SYNPR: variants seen among roughly 807,000 people sequenced by gnomAD.
SYNPR encodes the protein synaptoporin.
In SYNPR, 23 loss-of-function variants were observed where a neutral mutation model predicts 32.9. That is an observed-to-expected ratio of 0.70 (90% CI 0.50 to 0.99). The LOEUF is 0.99. Among genes scored for constraint, SYNPR ranks in the 50% least tolerant of loss-of-function variants. SYNPR has a pLI of 0.00. For missense variants in SYNPR, 318 were observed against 349.3 expected (o/e 0.91, Z 0.71); for synonymous variants, 146 against 135.9 (o/e 1.07, Z -0.52).
At chr3:63,577,403 C>T (rs142677066) in intron 4 of SYNPR, among the ~76,000 whole-genome samples, 2 of 151,980 alleles carry the variant, frequency 1.3e-5, no homozygotes, top group African/African-American at 4.8e-5. Flanking sequence ...GAGAGGAAAG[C>T]CAATAGCTAT....
chr3:63,421,260 A>C (rs2107131376), intron 2 of SYNPR, among the ~76,000 whole-genome samples: 1 of 152,330 alleles, frequency 6.6e-6, no homozygotes, highest in East Asian at 1.9e-4. Context: ...ACTAGTAATC[A>C]GGAAACGTCA....
chr3:63,269,203 A>C (rs544841355), intron 3 of SYNPR, among the ~76,000 whole-genome samples: 2 of 152,204 alleles, frequency 1.3e-5, no homozygotes, highest in Non-Finnish European at 2.9e-5. Flanking sequence ...AGAAATGAAG[A>C]CCAGGCCAAG....
intron 2 of SYNPR, among the ~76,000 whole-genome samples, chr3:63,477,796 C>A (rs1022172392): frequency 6.6e-6 from 1 of 152,244 alleles, no homozygotes; most frequent in African/African-American, 2.4e-5. Flanking sequence ...TCTCTGGGTG[C>A]CTGCACCTGC....
chr3:63,446,902 A>T (rs1700288112), intron 2 of SYNPR, among the ~76,000 whole-genome samples: 2 of 152,222 alleles, frequency 1.3e-5, no homozygotes, highest in Admixed American at 6.5e-5. Flanking sequence ...TTAGGCACCC[A>T]GTTAGTTAAA....
chr3:63,326,319 A>G (rs1479088116), intron 2 of SYNPR, among the ~76,000 whole-genome samples: 2 of 107,506 alleles, frequency 1.9e-5, no homozygotes, highest in African/African-American at 6.3e-5. Flanking sequence ...CCCAACAGAC[A>G]GCAGAGGCTG....
chr3:63,435,117 C>T (rs924874995), intron 2 of SYNPR, among the ~76,000 whole-genome samples: 2 of 152,202 alleles, frequency 1.3e-5, no homozygotes, highest in South Asian at 4.1e-4. Flanking sequence ...CTTGTATATG[C>T]TAAACTTGCG....
chr3:63,259,376 T>C (rs2086417556), intron 2 of SYNPR, among the ~76,000 whole-genome samples: 1 of 152,178 alleles, frequency 6.6e-6, no homozygotes, highest in South Asian at 2.1e-4. Flanking sequence ...TTATCCACCA[T>C]GATCAAGTGG....
chr3:63,606,849 G>T (rs1411548371), intron 4 of SYNPR, among the ~76,000 whole-genome samples: 1 of 152,094 alleles, frequency 6.6e-6, no homozygotes, highest in Non-Finnish European at 1.5e-5. Flanking sequence ...TTAACCTTTG[G>T]TGTCTCCATT....
upstream of SYNPR, among the ~76,000 whole-genome samples, chr3:63,223,469 G>C (rs899864009): frequency 2.0e-5 from 3 of 151,848 alleles, no homozygotes; most frequent in Non-Finnish European, 2.9e-5. Context: ...GGTGGGAGAC[G>C]GGCTTGGTAC....
At chr3:63,444,749 T>A (rs898983292) in intron 2 of SYNPR, among the ~76,000 whole-genome samples, 2 of 152,120 alleles carry the variant, frequency 1.3e-5, no homozygotes, top group African/African-American at 4.8e-5. Context: ...ACACACGCTG[T>A]GCACACTCCA....
intron 3 of SYNPR, among the ~76,000 whole-genome samples, chr3:63,544,999 G>A (rs1324840687): frequency 6.7e-6 from 1 of 149,022 alleles, no homozygotes; most frequent in Non-Finnish European, 1.5e-5. Flanking sequence ...TATTGACAGA[G>A]ATGCTTTATA....
intron 2 of SYNPR, among the ~76,000 whole-genome samples, chr3:63,399,213 C>T (rs2088257506): frequency 6.6e-6 from 1 of 152,024 alleles, no homozygotes; most frequent in African/African-American, 2.4e-5. Flanking sequence ...AGTTTTAGTC[C>T]CAGTGCCTGC....
intron 3 of SYNPR, among the ~76,000 whole-genome samples, chr3:63,542,432 C>T (rs1349075159): frequency 6.6e-6 from 1 of 152,046 alleles, no homozygotes; most frequent in Non-Finnish European, 1.5e-5. Flanking sequence ...CCATATTAAG[C>T]CTCAGTCTCT....
At chr3:63,360,678 G>A (rs1168674864) in intron 2 of SYNPR, among the ~76,000 whole-genome samples, 1 of 151,974 alleles carries the variant, frequency 6.6e-6, no homozygotes, top group Non-Finnish European at 1.5e-5. Context: ...TTAGGGTCTT[G>A]GTATTTTCTA....
At chr3:63,232,906 C>T (rs1428095729) in intron 1 of SYNPR, among the ~76,000 whole-genome samples, 5 of 152,084 alleles carry the variant, frequency 3.3e-5, no homozygotes, top group East Asian at 1.9e-4. Context: ...TTTAAAAAAT[C>T]GTATTAAAAA....
intron 2 of SYNPR, among the ~76,000 whole-genome samples, chr3:63,341,509 A>ATTT (rs2087370662): frequency 6.6e-6 from 1 of 152,200 alleles, no homozygotes; most frequent in Non-Finnish European, 1.5e-5. Flanking sequence ...CATTCTCATC[A>ATTT]GCATTTGATA....
intron 2 of SYNPR, among the ~76,000 whole-genome samples, chr3:63,395,121 GA>G (rs34929942): frequency 0.29 from 43,916 of 151,212 alleles, 7,472 homozygotes; most frequent in East Asian, 0.7. Context: ...AGTGTTTTAG[GA>G]AAAAAAAACT....
At chr3:63,269,659 A>G (rs2086517324) in intron 3 of SYNPR, among the ~76,000 whole-genome samples, 1 of 152,220 alleles carries the variant, frequency 6.6e-6, no homozygotes, top group Admixed American at 6.5e-5. Flanking sequence ...TTGTAAGGAC[A>G]TTCTGTACCA....
At chr3:63,265,310 G>C (rs1389879054) in intron 2 of SYNPR, among the ~76,000 whole-genome samples, 2 of 143,172 alleles carry the variant, frequency 1.4e-5, no homozygotes, top group Non-Finnish European at 3.0e-5. Flanking sequence ...GGAGTGCAGT[G>C]GCACAATCTT....
Sources: allele counts gnomAD v4.1 joint callset (sites outside exome capture counted in the v4.1 genomes callset), GRCh38; gene constraint gnomAD v4.1.1; transcripts MANE v1.5; gene names NCBI Gene and HGNC (gene_info 2026-07-23, HGNC 2026-07-21).